TBC1D12: variants seen among roughly 807,000 people sequenced by gnomAD.
TBC1D12 encodes the protein TBC1 domain family, member 12.
TBC1D12 carries 56 observed loss-of-function variants against 86.7 expected under a neutral mutation model. The observed-to-expected ratio is 0.65, with a 90% confidence interval of 0.52 to 0.81. The LOEUF (loss-of-function observed/expected upper bound fraction) is 0.81. TBC1D12 is among the 30% of genes least tolerant of loss of function. TBC1D12 has a pLI of 0.00. For missense variants in TBC1D12, 1,023 were observed against 1,038.8 expected (o/e 0.98, Z 0.21); for synonymous variants, 421 against 411.7 (o/e 1.02, Z -0.27).
chr10:94,491,633 T>C (rs535855982), intron 3 of TBC1D12, among the ~76,000 whole-genome samples: 1 of 152,338 alleles, frequency 6.6e-6, no homozygotes, highest in East Asian at 1.9e-4. Context: ...CGTGCCATTC[T>C]GAGTAGCATG....
chr10:94,504,467 T>C (rs1237192972), intron 6 of TBC1D12, among the ~76,000 whole-genome samples: 1 of 152,222 alleles, frequency 6.6e-6, no homozygotes, highest in Non-Finnish European at 1.5e-5. Context: ...TCCTTTTTTA[T>C]TAGTGCGGAA....
At chr10:94,482,366 C>CT (rs1422587743) in intron 3 of TBC1D12, among the ~76,000 whole-genome samples, 1 of 152,104 alleles carries the variant, frequency 6.6e-6, no homozygotes, top group Non-Finnish European at 1.5e-5. Flanking sequence ...TTTTTTATGG[C>CT]TACAGGGTTA....
At chr10:94,492,133 CA>C (rs2056253170) in intron 3 of TBC1D12, among the ~76,000 whole-genome samples, 1 of 152,106 alleles carries the variant, frequency 6.6e-6, no homozygotes. Context: ...CAATTGATGG[CA>C]ACATATTGTG....
intron 7 of TBC1D12, 83 bp downstream of exon 7, chr10:94,507,430 A>G (rs1377289739): frequency 1.7e-6 from 2 of 1,184,504 alleles, no homozygotes; most frequent in African/African-American, 3.2e-5. Context: ...TAATCGCTTT[A>G]CATATATCAT....
chr10:94,504,701 T>G (rs560383478), intron 6 of TBC1D12, among the ~76,000 whole-genome samples: 1 of 152,204 alleles, frequency 6.6e-6, no homozygotes, highest in Non-Finnish European at 1.5e-5. Context: ...CTAGAAATCT[T>G]AGTTTTTCTT....
In TBC1D12 at chr10:94,502,177, A is replaced by G. The variant is rs188796615; in HGVS notation, c.1519+1850A>G. Among the ~76,000 whole-genome samples, 655 of 151,948 alleles carry G rather than the reference A, an allele frequency of 4.3e-3. 4 individuals carry two copies. Among genetic ancestry groups the G allele is most frequent in the African/African-American group, 0.015 (622 of 41,404 alleles). On this transcript the variant is annotated intron_variant, in intron 6 of 12. Transcript: ENST00000225235. The stretch of plus-strand genomic sequence containing the variant: ...GAGAAACCCCGTCTCTACTAAAAAT[A>G]CAAAATTAGCTGGGCGTGGTGGCGC...
chr10:94,428,097 A>C (rs1190960224), intron 1 of TBC1D12, among the ~76,000 whole-genome samples: 1 of 152,046 alleles, frequency 6.6e-6, no homozygotes, highest in Non-Finnish European at 1.5e-5. Context: ...TATGGAGGAC[A>C]TGAACAATAT....
intron 3 of TBC1D12, among the ~76,000 whole-genome samples, chr10:94,484,509 G>A (rs1564970655): frequency 6.6e-6 from 1 of 152,006 alleles, no homozygotes; most frequent in Non-Finnish European, 1.5e-5. Context: ...CAAAGTGCTG[G>A]GATTACAGGC....
intron 1 of TBC1D12, among the ~76,000 whole-genome samples, chr10:94,429,743 T>G (rs1306981386): frequency 6.6e-6 from 1 of 151,074 alleles, no homozygotes; most frequent in Non-Finnish European, 1.5e-5. Context: ...CCCCTCCACT[T>G]TTTTTTTTGA....
In TBC1D12 at chr10:94,473,783, T is replaced by C. The variant is rs147344583; in HGVS notation, c.1096-885T>C. Among the ~76,000 whole-genome samples, 5 of 152,278 alleles carry C rather than the reference T, an allele frequency of 3.3e-5. No individual in the cohort carries two copies. The East Asian group carries it at 7.7e-4, about 23-fold the overall frequency. ...TTGATCTTTGGCAAATTTCTATAAA[T>C]AAATTTCAGAAGTTTGGGAACATTT... On this transcript the variant is annotated intron_variant, in intron 2 of 12. Transcript: ENST00000225235.
intron 3 of TBC1D12, among the ~76,000 whole-genome samples, chr10:94,483,036 C>CT (rs2056100807): frequency 1.0e-5 from 1 of 100,458 alleles, no homozygotes; most frequent in African/African-American, 4.9e-5. Context: ...ACATATTCTT[C>CT]TTCTTTTTTT....
intron 2 of TBC1D12, among the ~76,000 whole-genome samples, chr10:94,465,786 A>ATACG (rs201922978): frequency 8.0e-5 from 11 of 137,640 alleles, no homozygotes; most frequent in Non-Finnish European, 1.6e-4. Context: ...ATACATACAT[A>ATACG]CATATACGCA....
At chr10:94,510,601 G>C (rs2056514354) in intron 8 of TBC1D12, among the ~76,000 whole-genome samples, 1 of 152,102 alleles carries the variant, frequency 6.6e-6, no homozygotes, top group Non-Finnish European at 1.5e-5. Context: ...TTATGAAGTT[G>C]CTTATACCTT....
chr10:94,503,664 G>A lies in TBC1D12; in HGVS notation c.1519+3337G>A, dbSNP rs149417950. 7.7e-3 allele frequency among the ~76,000 whole-genome samples: 1,166 copies of A among 151,640 alleles called. 16 individuals are homozygous for A. Among genetic ancestry groups the A allele is most frequent in the African/African-American group, 0.027 (1,106 of 41,342 alleles). On this transcript the variant is annotated intron_variant, in intron 6 of 12. Coordinates refer to ENST00000225235, the MANE Select transcript of TBC1D12 (RefSeq NM_015188.2). ...TTTTGAGATGGAGTCTTGCTCTGTC[G>A]CTGAGGCTGGAGTGCAGTGGTGCTC...
intron 3 of TBC1D12, among the ~76,000 whole-genome samples, chr10:94,490,141 C>T (rs1020625555): frequency 3.3e-5 from 5 of 151,958 alleles, no homozygotes; most frequent in East Asian, 1.9e-4. Context: ...ACCCCAGTTA[C>T]TTAAGAGGCT....
At chr10:94,524,653 C>T (rs1329787556) in intron 11 of TBC1D12, among the ~76,000 whole-genome samples, 1 of 150,998 alleles carries the variant, frequency 6.6e-6, no homozygotes, top group Non-Finnish European at 1.5e-5. Flanking sequence ...GTTGGAGAAT[C>T]CCTTGAACCA....
At chr10:94,528,422 T>C (rs1029386320) in intron 11 of TBC1D12, among the ~76,000 whole-genome samples, 4 of 152,254 alleles carry the variant, frequency 2.6e-5, no homozygotes, top group Non-Finnish European at 5.9e-5. Flanking sequence ...TGAAAATCTT[T>C]TGTTTTAACT....
intron 3 of TBC1D12, among the ~76,000 whole-genome samples, chr10:94,487,946 G>T (rs2056192300): frequency 1.3e-5 from 2 of 151,732 alleles, no homozygotes; most frequent in Non-Finnish European, 2.9e-5. Flanking sequence ...GAGCAATTCT[G>T]CCATGGCCTC....
chr10:94,403,209 T>G lies in TBC1D12; in HGVS notation c.596T>G (p.Leu199Arg). The change falls in exon 1 of 13, where the codon CTG (leucine) becomes CGG (arginine). Residue 199 changes from leucine to arginine, a missense_variant. Leu to Arg is a moderately radical substitution (Grantham distance 102, BLOSUM62 -2). Transcript: ENST00000225235. ...SDWASPLEDP[L>R]RSCCLVAADA... ...TGGGCCTCTCCGCTTGAGGACCCGC[T>G]GCGGAGCTGCTGCCTGGTGGCCGCG... is the stretch of plus-strand genomic sequence containing the variant. The G allele has an allele frequency of 6.6e-7, 1 of 1,503,760 alleles. No individual in the cohort carries two copies. The highest frequency in any genetic ancestry group is 8.9e-7 in the Non-Finnish European group (1 of 1,128,638). The allele number at this position is 1,503,760 out of a possible 1,614,324, so 93.2% of individuals were successfully genotyped here.
Sources: gnomAD v4.1 joint callset for allele counts (sites outside exome capture counted in the v4.1 genomes callset) on GRCh38, gnomAD v4.1.1 for gene constraint, MANE v1.5 for transcripts, NCBI Gene and HGNC (gene_info 2026-07-23, HGNC 2026-07-21) for gene names.